VIT: variants seen among roughly 807,000 people sequenced by gnomAD.
The protein encoded by VIT is vitrin.
A neutral mutation model predicts 78.0 loss-of-function variants in VIT; 99 were observed. The observed-to-expected ratio is 1.27, with a 90% CI of 1.08 to 1.50. The LOEUF is 1.50. Among genes scored for constraint, VIT ranks in the 40% most tolerant of loss-of-function variants. VIT has a pLI of 0.00. For synonymous variants in VIT, 374 were observed against 334.3 expected (o/e 1.12, Z -1.29); for missense variants, 1,126 against 875.3 (o/e 1.29, Z -3.61).
intron 2 of VIT, among the ~76,000 whole-genome samples, chr2:36,727,691 T>G (rs979044090): frequency 6.6e-6 from 1 of 152,212 alleles, no homozygotes; most frequent in South Asian, 2.1e-4. Flanking sequence ...TTCATAACAA[T>G]GTCTCAGTCA....
At chr2:36,757,331 C>G (rs57221455) in intron 5 of VIT, among the ~76,000 whole-genome samples, 10,557 of 152,270 alleles carry the variant, frequency 0.069, 1,002 homozygotes, top group African/African-American at 0.21. Flanking sequence ...TGTACGTTTA[C>G]GGCCCGCATG....
chr2:36,755,088 C>G (rs957015179), intron 5 of VIT, 34 bp downstream of exon 5: 5 of 1,595,414 alleles, frequency 3.1e-6, no homozygotes, highest in Non-Finnish European at 4.3e-6. Context: ...GCTGCTAAAC[C>G]TACCACAAGA....
At chr2:36,711,683 G>A (rs1176568036) in intron 1 of VIT, among the ~76,000 whole-genome samples, 1 of 152,156 alleles carries the variant, frequency 6.6e-6, no homozygotes, top group African/African-American at 2.4e-5. Flanking sequence ...ACTGAACAGT[G>A]AACAAAATAG....
intron 2 of VIT, among the ~76,000 whole-genome samples, chr2:36,726,580 T>G (rs981460575): frequency 9.9e-5 from 15 of 152,024 alleles, no homozygotes; most frequent in African/African-American, 1.7e-4. Context: ...TGGTGGCTCA[T>G]GCCGAGGCAG....
At position 36,748,089 on chromosome 2, in the gene VIT, T is replaced by A. The variant is rs1311377667; in HGVS notation, c.275+4833T>A. Among the ~76,000 whole-genome samples, 4 of 152,212 alleles carry A rather than the reference T, an allele frequency of 2.6e-5. No individual in the cohort carries two copies. The East Asian group carries it at 7.7e-4, about 29-fold the overall frequency. Reference sequence around the variant, plus strand: ...GGCTTGTAAACTTTCTGCTGAGAAGTCCACTGTTAGCCTGATGGGGTTCCC... The same window carrying A: ...GGCTTGTAAACTTTCTGCTGAGAAGACCACTGTTAGCCTGATGGGGTTCCC... On this transcript the variant is annotated intron_variant, in intron 4 of 15. Coordinates refer to ENST00000379242, the MANE Select transcript of VIT (RefSeq NM_053276.4).
chr2:36,762,243 T>C (rs543150432), intron 6 of VIT, among the ~76,000 whole-genome samples: 4 of 152,294 alleles, frequency 2.6e-5, no homozygotes, highest in Admixed American at 2.6e-4. Flanking sequence ...TTTCGTGAAA[T>C]TTATAAACTA....
intron 2 of VIT, among the ~76,000 whole-genome samples, chr2:36,725,697 C>T (rs1036426747): frequency 5.3e-5 from 8 of 152,078 alleles, no homozygotes; most frequent in Admixed American, 3.9e-4. Context: ...GGCATTGCCA[C>T]GTTTTTCTTC....
intron 12 of VIT, among the ~76,000 whole-genome samples, chr2:36,798,825 T>A (rs1413152519): frequency 6.6e-6 from 1 of 152,090 alleles, no homozygotes; most frequent in East Asian, 1.9e-4. Context: ...AGGGGAAGAA[T>A]ACAGAGTGAA....
intron 2 of VIT, among the ~76,000 whole-genome samples, chr2:36,727,807 T>A (rs1666944465): frequency 6.6e-6 from 1 of 152,232 alleles, no homozygotes; most frequent in Non-Finnish European, 1.5e-5. Context: ...GTGGTGATGT[T>A]GTGTAAACAA....
Position 36,805,494 on chromosome 2 carries a change from A to T in VIT, c.1219A>T (p.Ser407Cys), listed in dbSNP as rs764477854. The T allele has an allele frequency of 1.7e-5, 27 of 1,613,900 alleles. No individual in the cohort carries two copies. The highest frequency in any genetic ancestry group is 2.1e-5 in the Non-Finnish European group (25 of 1,179,978). ...NFFSKANGNRSGAPNVVVVMV... is the reference protein window; with the variant it reads ...NFFSKANGNRCGAPNVVVVMV... The stretch of plus-strand genomic sequence containing the variant: ...CTTTTCCAAAGCCAATGGAAACAGA[A>T]GCGGGGCTCCCAATGTGGTGGTGGT... The change falls in exon 14 of 16, where the codon AGC becomes TGC. Residue 407 changes from serine (S) to cysteine (C), a missense_variant. Transcript: ENST00000379242.
At chr2:36,755,119 G>T (rs1286482217) in intron 5 of VIT, 65 bp downstream of exon 5, 1 of 1,492,760 alleles carries the variant, frequency 6.7e-7, no homozygotes, top group Non-Finnish European at 9.0e-7. Flanking sequence ...TCTTTTCATT[G>T]TGCTGTTGGT....
intron 12 of VIT, among the ~76,000 whole-genome samples, chr2:36,793,774 C>T (rs1483541668): frequency 6.6e-6 from 1 of 152,184 alleles, no homozygotes; most frequent in African/African-American, 2.4e-5. Context: ...TCTCTACTGG[C>T]ACAAAAATCC....
intron 12 of VIT, among the ~76,000 whole-genome samples, chr2:36,788,665 C>T (rs944361036): frequency 6.6e-6 from 1 of 152,126 alleles, no homozygotes; most frequent in Non-Finnish European, 1.5e-5. Flanking sequence ...TTACTTTTTA[C>T]AGATAGCCAA....
intron 13 of VIT, among the ~76,000 whole-genome samples, chr2:36,804,845 A>T (rs1002704552): frequency 6.6e-6 from 1 of 151,788 alleles, no homozygotes; most frequent in East Asian, 1.9e-4. Flanking sequence ...AAAAAAAAAA[A>T]GTCTTTCTCA....
At chr2:36,748,415 A>T (rs1668267085) in intron 4 of VIT, among the ~76,000 whole-genome samples, 1 of 152,158 alleles carries the variant, frequency 6.6e-6, no homozygotes, top group Non-Finnish European at 1.5e-5. Context: ...TGTATTTCTC[A>T]GAGGTTTTCT....
intron 1 of VIT, among the ~76,000 whole-genome samples, chr2:36,699,738 C>T (rs951490752): frequency 2.2e-4 from 33 of 152,194 alleles, no homozygotes; most frequent in Middle Eastern, 3.4e-3. Context: ...TTTCAGCTTT[C>T]TGCTGTATTT....
intron 5 of VIT, among the ~76,000 whole-genome samples, chr2:36,756,099 A>G (rs1385044892): frequency 6.6e-6 from 1 of 151,644 alleles, no homozygotes; most frequent in Non-Finnish European, 1.5e-5. Context: ...CTGGGATTAC[A>G]GGCATGTGCC....
intron 3 of VIT, among the ~76,000 whole-genome samples, chr2:36,735,489 C>T (rs538896610): frequency 6.6e-6 from 1 of 152,340 alleles, no homozygotes; most frequent in South Asian, 2.1e-4. Context: ...GCAGAGTGGG[C>T]TTGTGCAGTC....
chr2:36,792,537 G>A (rs541290037), intron 12 of VIT, among the ~76,000 whole-genome samples: 192 of 152,102 alleles, frequency 1.3e-3, no homozygotes, highest in Middle Eastern at 3.4e-3. Context: ...CAGTCTCCCC[G>A]CAGAGAAGCA....
Sources: gnomAD v4.1 joint callset for allele counts (sites outside exome capture counted in the v4.1 genomes callset) on GRCh38, gnomAD v4.1.1 for gene constraint, MANE v1.5 for transcripts, NCBI Gene and HGNC (gene_info 2026-07-23, HGNC 2026-07-21) for gene names.